Variants in EEFSEC observed in about 807,000 individuals in gnomAD.
EEFSEC encodes the protein eukaryotic elongation factor, selenocysteine-tRNA specific, also known as selenocysteine-specific elongation factor.
EEFSEC carries 43 observed loss-of-function variants against 42.1 expected under a neutral mutation model. The ratio of observed to expected loss-of-function variants is 1.02; its 90% CI spans 0.80 to 1.32. The LOEUF (loss-of-function observed/expected upper bound fraction) is 1.32. Among genes scored for constraint, EEFSEC ranks in the 40% most tolerant of loss-of-function variants. The pLI, the probability that EEFSEC is intolerant of heterozygous loss-of-function variation, is 0.00. For missense variants in EEFSEC, 745 were observed against 803.6 expected, an observed-to-expected ratio of 0.93 and a Z score of 0.88; for synonymous variants, 354 against 339.1, an observed-to-expected ratio of 1.04 and a Z score of -0.48.
chr3:128,345,323 T>C (rs1286110788), intron 5 of EEFSEC, among the ~76,000 whole-genome samples: 1 of 152,172 alleles, frequency 6.6e-6, no homozygotes, highest in Non-Finnish European at 1.5e-5. Context: ...ACTCCATTAT[T>C]TCTCTTTGAA....
chr3:128,347,394 A>G (rs1194794751), intron 5 of EEFSEC, among the ~76,000 whole-genome samples: 1 of 152,224 alleles, frequency 6.6e-6, no homozygotes. Flanking sequence ...AGGAAAGACT[A>G]CTAGAGCATA....
the EEFSEC span, among the ~76,000 whole-genome samples, chr3:128,424,059 CTA>C: frequency 3.9e-5 from 6 of 152,150 alleles, no homozygotes; most frequent in Non-Finnish European, 2.9e-5. Flanking sequence ...CACACACACA[CTA>C]TGCATGCACG....
chr3:128,314,323 T>G (rs2066922761), intron 4 of EEFSEC, among the ~76,000 whole-genome samples: 1 of 152,126 alleles, frequency 6.6e-6, no homozygotes, highest in Non-Finnish European at 1.5e-5. Flanking sequence ...ATTGTTGACA[T>G]TTTATTTTAT....
At chr3:128,299,392 T>G (rs2066742374) in intron 4 of EEFSEC, among the ~76,000 whole-genome samples, 2 of 152,232 alleles carry the variant, frequency 1.3e-5, no homozygotes, top group South Asian at 4.1e-4. Flanking sequence ...ATTCAGGTCT[T>G]TTGCCCATTA....
At chr3:128,254,408 G>A (rs2066221026) in intron 2 of EEFSEC, among the ~76,000 whole-genome samples, 2 of 152,168 alleles carry the variant, frequency 1.3e-5, no homozygotes, top group African/African-American at 4.8e-5. Flanking sequence ...AGTTCCACAC[G>A]GCACTTTTAC....
chr3:128,319,344 T>C (rs1253074766), intron 4 of EEFSEC, among the ~76,000 whole-genome samples: 3 of 152,138 alleles, frequency 2.0e-5, no homozygotes, highest in Non-Finnish European at 4.4e-5. Context: ...ATTTGCAAAA[T>C]TGAAGCCAGA....
chr3:128,295,624 G>C (rs1482498423), intron 4 of EEFSEC, among the ~76,000 whole-genome samples: 1 of 140,896 alleles, frequency 7.1e-6, no homozygotes, highest in African/African-American at 2.7e-5. Flanking sequence ...AATCTTCCTT[G>C]GGGCTGGAAC....
At chr3:128,412,982 CAG>C (rs988495278), downstream of EEFSEC, among the ~76,000 whole-genome samples, 100 of 152,152 alleles carry the variant, frequency 6.6e-4, no homozygotes, top group Middle Eastern at 3.2e-3. Context: ...AGGGCACAGG[CAG>C]GGGGATGGGG....
In EEFSEC at chr3:128,329,413, C is replaced by CT. The variant is rs373599008; in HGVS notation, c.787-11820_787-11819insT. Among the ~76,000 whole-genome samples the CT allele has an allele frequency of 2.5e-3, 266 of 105,824 alleles. 2 individuals are homozygous for CT. Among genetic ancestry groups the CT allele is most frequent in the Non-Finnish European group, 2.5e-3 (126 of 50,828 alleles). The allele number at this position is 105,824 out of a possible 152,430, so 69.4% of individuals were successfully genotyped here. Reference sequence around the variant, plus strand: ...CGGAGATTAGTGCCACCCAGCCCCACCCCCCCCCACCCCCGCTGATGCTCT... The same window carrying CT: ...CGGAGATTAGTGCCACCCAGCCCCACTCCCCCCCCACCCCCGCTGATGCTCT... On this transcript the variant is annotated intron_variant, in intron 4 of 6. Transcript: ENST00000254730.
intron 1 of EEFSEC, chr3:128,154,054 T>A (rs1944316136): frequency 2.5e-6 from 1 of 405,078 alleles, no homozygotes; most frequent in Non-Finnish European, 4.1e-6. Context: ...CAAGGCGCCT[T>A]CCTTAAAAAA....
At chr3:128,242,640 T>G (rs1220551509) in intron 1 of EEFSEC, among the ~76,000 whole-genome samples, 1 of 152,220 alleles carries the variant, frequency 6.6e-6, no homozygotes, top group East Asian at 1.9e-4. Context: ...TAACTTATGC[T>G]TTGTTAAATG....
intron 4 of EEFSEC, among the ~76,000 whole-genome samples, chr3:128,306,766 T>G (rs2066831602): frequency 2.0e-5 from 3 of 152,252 alleles, no homozygotes; most frequent in Admixed American, 2.0e-4. Context: ...TTCAAGGTAC[T>G]TCTTATATTT....
chr3:128,323,925 C>A (rs2067035210), intron 4 of EEFSEC, among the ~76,000 whole-genome samples: 2 of 150,624 alleles, frequency 1.3e-5, no homozygotes, highest in Non-Finnish European at 3.0e-5. Context: ...CTGAGCGCCT[C>A]CCCCCCTGTG....
At chr3:128,187,891 A>G (rs1302415317) in intron 1 of EEFSEC, among the ~76,000 whole-genome samples, 1 of 152,244 alleles carries the variant, frequency 6.6e-6, no homozygotes, top group African/African-American at 2.4e-5. Context: ...CAGGGAGCCT[A>G]GAAGTATGAA....
intron 2 of EEFSEC, 23 bp downstream of exon 2, chr3:128,247,066 T>C: frequency 1.9e-6 from 3 of 1,611,640 alleles, no homozygotes; most frequent in Non-Finnish European, 2.5e-6. Flanking sequence ...ATGAGAGCAA[T>C]GTTCACTGCA....
intron 1 of EEFSEC, among the ~76,000 whole-genome samples, chr3:128,226,208 G>A (rs943187253): frequency 2.0e-5 from 3 of 152,152 alleles, no homozygotes; most frequent in Non-Finnish European, 4.4e-5. Flanking sequence ...GGAGCTTGAC[G>A]AAGCTAGACA....
intron 4 of EEFSEC, among the ~76,000 whole-genome samples, chr3:128,268,454 T>G (rs2066378429): frequency 6.6e-6 from 1 of 152,204 alleles, no homozygotes; most frequent in Non-Finnish European, 1.5e-5. Flanking sequence ...ATGTAAATTT[T>G]GGGTACCAGA....
At chr3:128,356,988 A>G (rs1032440723) in intron 5 of EEFSEC, among the ~76,000 whole-genome samples, 1 of 152,108 alleles carries the variant, frequency 6.6e-6, no homozygotes, top group African/African-American at 2.4e-5. Flanking sequence ...TCTTCTCCTG[A>G]CATCTTCTCC....
chr3:128,378,787 G>A (rs2067738859), intron 6 of EEFSEC, among the ~76,000 whole-genome samples: 1 of 152,194 alleles, frequency 6.6e-6, no homozygotes, highest in African/African-American at 2.4e-5. Flanking sequence ...GCTGTTCCCA[G>A]ACAGCTCATC....
Sources: allele counts gnomAD v4.1 joint callset (sites outside exome capture counted in the v4.1 genomes callset), GRCh38; gene constraint gnomAD v4.1.1; transcripts MANE v1.5; gene names NCBI Gene and HGNC (gene_info 2026-07-23, HGNC 2026-07-21).